The following SLC25A30 variants were observed in gnomAD, a reference collection of about 807,000 sequenced individuals.
SLC25A30 encodes the protein kidney mitochondrial carrier protein 1.
In SLC25A30, 29 loss-of-function variants were observed where a neutral mutation model predicts 42.7. The observed-to-expected ratio is 0.68, with a 90% CI of 0.51 to 0.93. SLC25A30 has a LOEUF of 0.93. Ranked by LOEUF, SLC25A30 falls within the 40% of genes least tolerant of loss-of-function variation. SLC25A30 has a pLI of 0.00. For synonymous variants in SLC25A30, 124 were observed against 131.0 expected (o/e 0.95, Z 0.37); for missense variants, 300 against 359.7 (o/e 0.83, Z 1.34).
chr13:45,420,029 G>A (rs1883847706), upstream of SLC25A30, among the ~76,000 whole-genome samples: 1 of 151,702 alleles, frequency 6.6e-6, no homozygotes, highest in Admixed American at 6.6e-5. Flanking sequence ...GAAAGAGGGA[G>A]GAAGGAAGGG....
the SLC25A30 span, among the ~76,000 whole-genome samples, chr13:45,423,851 T>TATATATATGA: frequency 3.4e-5 from 2 of 58,016 alleles, no homozygotes; most frequent in African/African-American, 1.2e-4. Context: ...AATATGTAAA[T>TATATATATGA]ATATATATAA....
At chr13:45,401,891 C>T (rs1882016667) in intron 6 of SLC25A30, among the ~76,000 whole-genome samples, 1 of 151,948 alleles carries the variant, frequency 6.6e-6, no homozygotes, top group Non-Finnish European at 1.5e-5. Flanking sequence ...GAAACCCCAT[C>T]TCTACTAAAA....
At chr13:45,425,726 T>C in the SLC25A30 span, among the ~76,000 whole-genome samples, 2 of 140,788 alleles carry the variant, frequency 1.4e-5, no homozygotes, top group Non-Finnish European at 3.0e-5. Flanking sequence ...TGAGTCTCGC[T>C]GTATCCCCCA....
rs200588795 is a variant in SLC25A30, at chr13:45,404,351, A to C, written c.369T>G (p.Ile123Met). 175 of 1,613,362 alleles carry C rather than the reference A, an allele frequency of 1.1e-4. No homozygotes were observed. The East Asian group carries it at 3.9e-3, about 36-fold the overall frequency. ...GILSGVISST[I>M]ANPTDVLKIR... ...CTTTCAAAACATCAGTTGGATTAGC[A>C]ATGGTTGAAGATATGACTCCAGACA... Residue 123 changes from isoleucine to methionine, a missense_variant, in exon 5 of 10, where the codon ATT becomes ATG. Physicochemically the swap from Ile to Met is conservative, Grantham distance 10. Coordinates refer to ENST00000519676, the MANE Select transcript of SLC25A30 (RefSeq NM_001010875.4).
chr13:45,400,421 C>T (rs1306198473), intron 7 of SLC25A30, among the ~76,000 whole-genome samples: 1 of 152,020 alleles, frequency 6.6e-6, no homozygotes, highest in Non-Finnish European at 1.5e-5. Context: ...CCCCGTCTCA[C>T]ATAAATAAAT....
At chr13:45,399,949 ATT>A (rs1208189615) in intron 7 of SLC25A30, among the ~76,000 whole-genome samples, 1 of 150,036 alleles carries the variant, frequency 6.7e-6, no homozygotes, top group African/African-American at 2.4e-5. Context: ...TGTCAGTAGT[ATT>A]CCCCCCTGGT....
intron 2 of SLC25A30, among the ~76,000 whole-genome samples, chr13:45,410,552 C>A (rs780774160): frequency 6.6e-6 from 1 of 150,904 alleles, no homozygotes; most frequent in Non-Finnish European, 1.5e-5. Context: ...TGTAGTCTCA[C>A]CTATAATCCC....
At chr13:45,409,257 C>CA (rs1882793168) in intron 2 of SLC25A30, among the ~76,000 whole-genome samples, 183 bp from the exon 3 acceptor site, 2 of 151,970 alleles carry the variant, frequency 1.3e-5, no homozygotes, top group African/African-American at 4.8e-5. Context: ...TAATAAAACC[C>CA]AAAAAATGCA....
chr13:45,405,966 G>T lies in SLC25A30; in HGVS notation c.224C>A (p.Ala75Glu). 1 of 1,614,148 alleles carries T rather than the reference G, an allele frequency of 6.2e-7. No individual in the cohort carries two copies. Among genetic ancestry groups the T allele is most frequent in the Non-Finnish European group, 8.5e-7 (1 of 1,180,000 alleles). ...LKALYSGIAP[A>E]MLRQASYGTI... ...GCCATAGGATGCCTGGCGTAACATC[G>T]CGGGGGCAATCCTGTTAAACCAATG... Residue 75 changes from alanine (A) to glutamate (E), a missense_variant, in exon 4 of 10, where the codon GCG becomes GAG. Transcript: ENST00000519676.
chr13:45,403,065 G>T (rs977610322), intron 5 of SLC25A30, among the ~76,000 whole-genome samples: 2 of 152,176 alleles, frequency 1.3e-5, no homozygotes, highest in African/African-American at 4.8e-5. Flanking sequence ...AACTGTTATT[G>T]CCACACGAAC....
intron 5 of SLC25A30, chr13:45,402,609 C>T (rs1882105752): frequency 4.0e-6 from 1 of 251,076 alleles, no homozygotes; most frequent in East Asian, 1.8e-4. Flanking sequence ...GTCCTACGTA[C>T]AGCAGTTCAT....
chr13:45,404,102 TCA>T, intron 5 of SLC25A30, among the ~76,000 whole-genome samples: 1 of 152,198 alleles, frequency 6.6e-6, no homozygotes, highest in Non-Finnish European at 1.5e-5. Flanking sequence ...TTTTTTCTCC[TCA>T]ATCACCGAAA....
Position 45,393,336 on chromosome 13 carries a change from T to A in SLC25A30, c.*2638A>T. On this transcript the variant is annotated 3_prime_UTR_variant, in exon 10 of 10. Coordinates refer to ENST00000519676, the MANE Select transcript of SLC25A30 (RefSeq NM_001010875.4). ...AATCATTTTTATTATTATATATTAC[T>A]CCAGTTTATTAAATAAATGAAACAA... 1 of 962,320 alleles carries A rather than the reference T, an allele frequency of 1.0e-6. No homozygotes were observed. Among genetic ancestry groups the A allele is most frequent in the Non-Finnish European group, 1.2e-6 (1 of 808,890 alleles). The allele number at this position is 962,320 out of a possible 1,614,324, so 59.6% of individuals were successfully genotyped here. A position where few individuals can be genotyped will look rare whatever the true frequency, so the allele number is the denominator to read the frequency against.
At chr13:45,423,276 G>A (rs1883938816), upstream of SLC25A30, among the ~76,000 whole-genome samples, 1 of 151,724 alleles carries the variant, frequency 6.6e-6, no homozygotes, top group Non-Finnish European at 1.5e-5. Flanking sequence ...AAGTACTTCT[G>A]CTTCCTTAGA....
chr13:45,410,826 T>TA (rs2137679405), intron 2 of SLC25A30, among the ~76,000 whole-genome samples: 1 of 152,286 alleles, frequency 6.6e-6, no homozygotes, highest in East Asian at 1.9e-4. Context: ...CAAAAAATTT[T>TA]AAAAAACTTG....
At chr13:45,424,462 TAAAA>T in the SLC25A30 span, among the ~76,000 whole-genome samples, 169 of 73,460 alleles carry the variant, frequency 2.3e-3, 11 homozygotes, top group African/African-American at 8.6e-3. Context: ...TATAAACATA[TAAAA>T]ATATATAAAT....
chr13:45,400,980 C>T lies in SLC25A30; in HGVS notation c.614+103G>A, dbSNP rs142060581. 5.4e-4 allele frequency: 557 copies of T among 1,035,794 alleles called. 4 individuals carry two copies. The African/African-American group carries it at 7.8e-3, about 15-fold the overall frequency. 64.2% of individuals were successfully genotyped at this position (1,035,794 alleles called of 1,614,324 possible). A position where few individuals can be genotyped will look rare whatever the true frequency, so the allele number is the denominator to read the frequency against. On this transcript the variant is annotated intron_variant, in intron 7 of 9. Transcript: ENST00000519676. ...GAATAAGGACTTCTACCTGGTCCTGCTTCACTTCTGCATTGCAACTTTTCA... is the reference window on the plus strand; with the variant it reads ...GAATAAGGACTTCTACCTGGTCCTGTTTCACTTCTGCATTGCAACTTTTCA...
chr13:45,409,218 T>A (rs1245690425), intron 2 of SLC25A30, 144 bp from the exon 3 acceptor site: 1 of 617,668 alleles, frequency 1.6e-6, no homozygotes, highest in African/African-American at 1.9e-5. Flanking sequence ...ATCTTGTTTA[T>A]ATTTTTAAAA....
At position 45,394,668 on chromosome 13, in the gene SLC25A30, TTAGAG is replaced by T. The variant is rs1881182587; in HGVS notation, c.*1301_*1305del. The T allele has an allele frequency of 8.1e-6, 8 of 984,860 alleles. No individual in the cohort carries two copies. Among genetic ancestry groups the T allele is most frequent in the East Asian group, 1.1e-4 (1 of 8,802 alleles). The allele number at this position is 984,860 out of a possible 1,614,324, so 61.0% of individuals were successfully genotyped here. On this transcript the variant is annotated 3_prime_UTR_variant, in exon 10 of 10. Coordinates refer to ENST00000519676, the MANE Select transcript of SLC25A30 (RefSeq NM_001010875.4). ...AAGAGGGCTCTTTCTCTGAAGCAGG[TTAGAG>T]TAAAGAATAAGAAAATAGAAAAAGA... is the stretch of plus-strand genomic sequence containing the variant.
Sources: allele counts gnomAD v4.1 joint callset (sites outside exome capture counted in the v4.1 genomes callset), GRCh38; gene constraint gnomAD v4.1.1; transcripts MANE v1.5; gene names NCBI Gene and HGNC (gene_info 2026-07-23, HGNC 2026-07-21).